The following NAALADL2 variants were observed in gnomAD, a reference collection of about 807,000 sequenced individuals.
The protein encoded by NAALADL2 is inactive N-acetylated-alpha-linked acidic dipeptidase-like protein 2.
In NAALADL2, 76 loss-of-function variants were observed where a neutral mutation model predicts 87.2. The ratio of observed to expected loss-of-function variants is 0.87; its 90% CI spans 0.72 to 1.05. The LOEUF is 1.05. NAALADL2 is among the 50% of genes least tolerant of loss of function. The pLI is 0.00. For missense variants in NAALADL2, 1,089 were observed against 945.8 expected, an observed-to-expected ratio of 1.15 and a Z score of -1.99; for synonymous variants, 354 against 331.0, an observed-to-expected ratio of 1.07 and a Z score of -0.75.
intron 11 of NAALADL2, among the ~76,000 whole-genome samples, chr3:175,665,313 A>C (rs1361389794): frequency 6.6e-6 from 1 of 152,244 alleles, no homozygotes. Flanking sequence ...ATCTTTTAAA[A>C]TATATTTTTT....
chr3:175,452,971 G>A (rs1166184127), intron 6 of NAALADL2, among the ~76,000 whole-genome samples: 1 of 152,098 alleles, frequency 6.6e-6, no homozygotes, highest in Admixed American at 6.6e-5. Context: ...CAAGTTTCCA[G>A]GATTCTGTCT....
chr3:175,455,209 C>T (rs1722150686), intron 6 of NAALADL2, among the ~76,000 whole-genome samples: 1 of 151,984 alleles, frequency 6.6e-6, no homozygotes, highest in African/African-American at 2.4e-5. Flanking sequence ...CTGCTGGCCT[C>T]TTGTTGATGC....
At chr3:174,791,631 G>A (rs1268169474) in intron 3 of NAALADL2, among the ~76,000 whole-genome samples, 1 of 152,136 alleles carries the variant, frequency 6.6e-6, no homozygotes, top group African/African-American at 2.4e-5. Flanking sequence ...GAATTATTTT[G>A]CATTAACACA....
At chr3:174,765,009 A>G (rs760925762) in intron 3 of NAALADL2, among the ~76,000 whole-genome samples, 1 of 151,472 alleles carries the variant, frequency 6.6e-6, no homozygotes, top group Non-Finnish European at 1.5e-5. Context: ...TTTTTTTTCT[A>G]TTTCTGTGAC....
chr3:175,662,945 G>C (rs1398110546), intron 11 of NAALADL2, among the ~76,000 whole-genome samples: 1 of 133,832 alleles, frequency 7.5e-6, no homozygotes, highest in East Asian at 2.1e-4. Context: ...TTGGCCTGTA[G>C]TTTGTTTGTT....
At chr3:175,256,336 G>T in intron 3 of NAALADL2, 75 bp from the exon 4 acceptor site, 2 of 1,345,020 alleles carry the variant, frequency 1.5e-6, no homozygotes, top group African/African-American at 1.5e-5. Context: ...GAATAATTTT[G>T]TTATACTAAA....
intron 11 of NAALADL2, among the ~76,000 whole-genome samples, chr3:175,665,126 G>A (rs1259148219): frequency 6.6e-6 from 1 of 152,138 alleles, no homozygotes; most frequent in Non-Finnish European, 1.5e-5. Flanking sequence ...CAACAGTCTA[G>A]CTCATCCATC....
At chr3:174,919,843 C>T (rs963631954) in intron 1 of NAALADL2, among the ~76,000 whole-genome samples, 2 of 152,174 alleles carry the variant, frequency 1.3e-5, no homozygotes, top group African/African-American at 4.8e-5. Context: ...GTCAAAATTA[C>T]TCCTTGATCC....
rs560734845 is a variant in NAALADL2 at position 174,937,473 on chromosome 3, A to G, written c.43+78023A>G. 3.4e-3 allele frequency among the ~76,000 whole-genome samples: 516 copies of G among 152,170 alleles called. 1 individual carries two copies. Among genetic ancestry groups the G allele is most frequent in the Middle Eastern group, 0.014 (4 of 294 alleles). The stretch of plus-strand genomic sequence containing the variant: ...CACTTCCGTCCTCTTAGACTGTAAA[A>G]AAGTTATGAAACTGCTTAGAACCAA... On this transcript the variant is annotated intron_variant, in intron 1 of 13. Coordinates refer to ENST00000454872, the MANE Select transcript of NAALADL2 (RefSeq NM_207015.3).
chr3:174,702,822 G>C (rs1442225524), intron 2 of NAALADL2, among the ~76,000 whole-genome samples: 1 of 152,132 alleles, frequency 6.6e-6, no homozygotes, highest in African/African-American at 2.4e-5. Context: ...GTTATGCAGT[G>C]CATAACTGTG....
chr3:174,953,033 A>G (rs1740611453), intron 1 of NAALADL2, among the ~76,000 whole-genome samples: 1 of 151,966 alleles, frequency 6.6e-6, no homozygotes, highest in Admixed American at 6.6e-5. Context: ...TGCTAAATAT[A>G]TTTTCACATT....
intron 10 of NAALADL2, among the ~76,000 whole-genome samples, chr3:175,615,267 A>G (rs755350487): frequency 2.8e-4 from 42 of 152,164 alleles, no homozygotes; most frequent in Admixed American, 1.8e-3. Context: ...AATTCTACCA[A>G]TGAGTAGATG....
At chr3:174,541,561 G>A (rs1004210633) in intron 1 of NAALADL2, among the ~76,000 whole-genome samples, 3 of 152,154 alleles carry the variant, frequency 2.0e-5, no homozygotes, top group African/African-American at 7.2e-5. Flanking sequence ...TGTGTAGTAT[G>A]TGCATGAAAA....
At chr3:174,547,707 TTTGTTTTATCC>T (rs1183948419) in intron 1 of NAALADL2, among the ~76,000 whole-genome samples, 2 of 152,154 alleles carry the variant, frequency 1.3e-5, no homozygotes, top group African/African-American at 4.8e-5. Context: ...TATTTTTATC[TTTGTTTTATCC>T]TCCTAGAGCA....
intron 4 of NAALADL2, among the ~76,000 whole-genome samples, chr3:175,292,932 G>A (rs1034407720): frequency 4.6e-5 from 7 of 151,098 alleles, no homozygotes; most frequent in African/African-American, 1.5e-4. Flanking sequence ...AGCTACTCGG[G>A]AGGCTGAGGC....
chr3:175,043,312 C>T (rs1379167245), intron 1 of NAALADL2, among the ~76,000 whole-genome samples: 1 of 152,142 alleles, frequency 6.6e-6, no homozygotes, highest in Non-Finnish European at 1.5e-5. Context: ...AATCTGGGCT[C>T]ACTGCAACCT....
At chr3:175,750,894 T>C (rs1304402210) in intron 12 of NAALADL2, among the ~76,000 whole-genome samples, 1 of 152,166 alleles carries the variant, frequency 6.6e-6, no homozygotes, top group Non-Finnish European at 1.5e-5. Flanking sequence ...TTCTCAGTAC[T>C]TTTAGAATAA....
intron 9 of NAALADL2, among the ~76,000 whole-genome samples, chr3:175,537,300 G>GATA (rs1255714091): frequency 1.1e-4 from 16 of 152,156 alleles, no homozygotes; most frequent in Admixed American, 1.0e-3. Flanking sequence ...ATACAGAAGA[G>GATA]ATAACCTATG....
At chr3:175,043,223 G>A (rs1055847304) in intron 1 of NAALADL2, among the ~76,000 whole-genome samples, 3 of 151,836 alleles carry the variant, frequency 2.0e-5, no homozygotes, top group African/African-American at 7.3e-5. Context: ...TTGATTTTTT[G>A]CCATTGAGCT....
Sources: allele counts gnomAD v4.1 joint callset (sites outside exome capture counted in the v4.1 genomes callset), GRCh38; gene constraint gnomAD v4.1.1; transcripts MANE v1.5; gene names NCBI Gene and HGNC (gene_info 2026-07-23, HGNC 2026-07-21).